The following PACRG variants were observed in gnomAD, a reference collection of about 807,000 sequenced individuals.
PACRG encodes the protein parkin coregulated gene protein.
A neutral mutation model predicts 29.7 loss-of-function variants in PACRG; 29 were observed. The observed-to-expected ratio is 0.98, with a 90% confidence interval of 0.73 to 1.33. PACRG has a LOEUF of 1.33. Ranked by LOEUF, PACRG falls within the 40% of genes most tolerant of loss-of-function variation. The pLI is 0.00. For missense variants in PACRG, 279 were observed against 316.2 expected (o/e 0.88, Z 0.89); for synonymous variants, 116 against 118.7 (o/e 0.98, Z 0.15).
intron 1 of PACRG, among the ~76,000 whole-genome samples, chr6:162,784,036 A>G (rs543772354): frequency 2.6e-5 from 4 of 152,174 alleles, no homozygotes; most frequent in Admixed American, 1.3e-4. Context: ...TAGTTTTCTT[A>G]TAATCATATT....
At chr6:162,765,609 G>T (rs1373746027) in intron 1 of PACRG, among the ~76,000 whole-genome samples, 1 of 152,148 alleles carries the variant, frequency 6.6e-6, no homozygotes, top group Non-Finnish European at 1.5e-5. Context: ...AGTGGTACCA[G>T]TTTGGATGTA....
chr6:163,163,813 T>A (rs890000795), intron 4 of PACRG, among the ~76,000 whole-genome samples: 1 of 152,214 alleles, frequency 6.6e-6, no homozygotes, highest in African/African-American at 2.4e-5. Context: ...GTATAATAAC[T>A]TTTATTGTAA....
In PACRG at chr6:163,277,502, T is replaced by C. The variant is rs62428014; in HGVS notation, c.614-37325T>C. ...ATGTGTGTATATATATATACACACA[T>C]ACACACACACACACATATACACATA... On this transcript the variant is annotated intron_variant, in intron 4 of 4. Coordinates refer to ENST00000366888, the MANE Select transcript of PACRG (RefSeq NM_001080379.2). 1.5e-3 allele frequency among the ~76,000 whole-genome samples: 212 copies of C among 144,352 alleles called. 2 individuals are homozygous for C. Among genetic ancestry groups the C allele is most frequent in the African/African-American group, 5.3e-3 (204 of 38,782 alleles). 94.7% of individuals were successfully genotyped at this position (144,352 alleles called of 152,430 possible). A position where few individuals can be genotyped will look rare whatever the true frequency, so the allele number is the denominator to read the frequency against.
At chr6:162,963,273 A>C (rs1382845132) in intron 2 of PACRG, among the ~76,000 whole-genome samples, 1 of 152,160 alleles carries the variant, frequency 6.6e-6, no homozygotes, top group Non-Finnish European at 1.5e-5. Flanking sequence ...AGATTTTTCC[A>C]AGATGTGATT....
chr6:162,751,872 C>T (rs1436327923), intron 1 of PACRG, among the ~76,000 whole-genome samples: 4 of 152,162 alleles, frequency 2.6e-5, no homozygotes, highest in Non-Finnish European at 5.9e-5. Context: ...ATGCTTCTCT[C>T]CAGAACACTG....
intron 4 of PACRG, among the ~76,000 whole-genome samples, chr6:163,200,152 A>C (rs1044430078): frequency 3.3e-5 from 5 of 152,180 alleles, no homozygotes; most frequent in African/African-American, 1.2e-4. Context: ...CAACCAGAGG[A>C]ATCTTTTAGT....
chr6:162,804,499 AT>A (rs1283538744), intron 1 of PACRG, among the ~76,000 whole-genome samples: 2 of 152,138 alleles, frequency 1.3e-5, no homozygotes, highest in African/African-American at 4.8e-5. Context: ...CTGTGAAATA[AT>A]TTTCATACGG....
intron 2 of PACRG, among the ~76,000 whole-genome samples, chr6:162,884,677 G>T (rs1794184252): frequency 6.6e-6 from 1 of 152,156 alleles, no homozygotes; most frequent in Non-Finnish European, 1.5e-5. Context: ...ACACAATGGT[G>T]TTTATGGTGA....
intron 2 of PACRG, among the ~76,000 whole-genome samples, chr6:162,925,251 A>G (rs1239067729): frequency 1.3e-5 from 2 of 152,176 alleles, no homozygotes; most frequent in Non-Finnish European, 1.5e-5. Flanking sequence ...AGGAGCTGGT[A>G]CCATTCCTTC....
chr6:163,253,926 C>T (rs1346968736), intron 4 of PACRG, among the ~76,000 whole-genome samples: 1 of 152,164 alleles, frequency 6.6e-6, no homozygotes, highest in African/African-American at 2.4e-5. Context: ...TTCCTGGAGA[C>T]CCCTGACGGG....
intron 2 of PACRG, among the ~76,000 whole-genome samples, chr6:162,963,920 C>G (rs952799031): frequency 4.6e-5 from 7 of 152,062 alleles, no homozygotes; most frequent in African/African-American, 1.4e-4. Context: ...CTATTTTAAC[C>G]TAGATTGTTA....
intron 4 of PACRG, among the ~76,000 whole-genome samples, chr6:163,211,789 G>A (rs1212030668): frequency 6.6e-6 from 1 of 152,126 alleles, no homozygotes; most frequent in East Asian, 1.9e-4. Flanking sequence ...AGGAAAATAA[G>A]CAAACAGGTC....
intron 4 of PACRG, among the ~76,000 whole-genome samples, chr6:163,154,898 C>T (rs1285540455): frequency 6.6e-6 from 1 of 151,990 alleles, no homozygotes; most frequent in Non-Finnish European, 1.5e-5. Context: ...AAGCCCAAAG[C>T]TCTTATCTCT....
At chr6:162,912,311 C>G (rs970794991) in intron 2 of PACRG, among the ~76,000 whole-genome samples, 2 of 152,130 alleles carry the variant, frequency 1.3e-5, no homozygotes, top group African/African-American at 2.4e-5. Flanking sequence ...TGTATATGCT[C>G]TCTTATGAAC....
intron 4 of PACRG, among the ~76,000 whole-genome samples, chr6:163,166,598 T>C (rs1778823902): frequency 6.6e-6 from 1 of 152,250 alleles, no homozygotes; most frequent in Non-Finnish European, 1.5e-5. Flanking sequence ...TGTGCCCTTC[T>C]GTATAATTAA....
In PACRG at chr6:163,303,774, T is replaced by G. The variant is rs542419591; in HGVS notation, c.614-11053T>G. Among the ~76,000 whole-genome samples, 652 of 151,926 alleles carry G rather than the reference T, an allele frequency of 4.3e-3. 4 individuals are homozygous for G. Among genetic ancestry groups the G allele is most frequent in the African/African-American group, 0.015 (637 of 41,442 alleles). ...CTGTAATCCCAGCACTTTGGGGGGC[T>G]GAGACGGGGGGATCACCTGAGGTCA... On this transcript the variant is annotated intron_variant, in intron 4 of 4. Coordinates refer to ENST00000366888, the MANE Select transcript of PACRG (RefSeq NM_001080379.2).
At chr6:162,870,587 C>T (rs1792718031) in intron 2 of PACRG, among the ~76,000 whole-genome samples, 1 of 152,162 alleles carries the variant, frequency 6.6e-6, no homozygotes, top group Admixed American at 6.5e-5. Context: ...CCCATGCTTT[C>T]CTCCTGAGTC....
intron 2 of PACRG, among the ~76,000 whole-genome samples, chr6:163,056,781 A>T (rs192954102): frequency 6.6e-6 from 1 of 152,252 alleles, no homozygotes; most frequent in East Asian, 1.9e-4. Context: ...GCAGATTAGC[A>T]CCCAGGATGG....
At chr6:162,984,437 C>T (rs1251705438) in intron 2 of PACRG, among the ~76,000 whole-genome samples, 2 of 151,996 alleles carry the variant, frequency 1.3e-5, no homozygotes, top group African/African-American at 4.8e-5. Context: ...GGCATATGGG[C>T]TGGTTCCATA....
Sources: gnomAD v4.1 joint callset for allele counts (sites outside exome capture counted in the v4.1 genomes callset) on GRCh38, gnomAD v4.1.1 for gene constraint, MANE v1.5 for transcripts, NCBI Gene and HGNC (gene_info 2026-07-23, HGNC 2026-07-21) for gene names.